Variants in VASH2 observed in about 807,000 individuals in gnomAD.
VASH2 encodes vasohibin 2.
A neutral mutation model predicts 37.2 loss-of-function variants in VASH2; 28 were observed. The ratio of observed to expected loss-of-function variants is 0.75; its 90% confidence interval spans 0.56 to 1.03. The LOEUF is 1.03. VASH2 is among the 50% of genes least tolerant of loss of function. The pLI is 0.00. For synonymous variants in VASH2, 188 were observed against 174.7 expected (o/e 1.08, Z -0.60); for missense variants, 419 against 459.1 (o/e 0.91, Z 0.80).
At chr1:212,980,464 C>T (rs1331817849) in intron 7 of VASH2, among the ~76,000 whole-genome samples, 4 of 152,144 alleles carry the variant, frequency 2.6e-5, no homozygotes, top group Non-Finnish European at 4.4e-5. Context: ...TTCCCTTCTT[C>T]ATCACTGATC....
chr1:212,973,974 C>G lies in VASH2; in HGVS notation c.899C>G (p.Ala300Gly). The G allele has an allele frequency of 6.2e-7, 1 of 1,613,690 alleles. No individual in the cohort carries two copies. Among genetic ancestry groups the G allele is most frequent in the Non-Finnish European group, 8.5e-7 (1 of 1,179,864 alleles). The stretch of plus-strand genomic sequence containing the variant: ...CTTCAGATCCTGAAACCTGCAAGTG[C>G]CCACTCTCCGACCCAAGTGAGAAGC... ...MRMKILKPAS[A>G]HSPTQVRSRG... The change falls in exon 7 of 8, where the codon GCC becomes GGC. Residue 300 changes from alanine to glycine, a missense_variant. Around this residue, in one of 3 missense-constraint regions of VASH2, gnomAD observed 177 missense variants for 166.2 expected, o/e 1.06. Coordinates refer to ENST00000517399, the MANE Select transcript of VASH2 (RefSeq NM_001301056.2).
chr1:212,967,187 C>CA, intron 5 of VASH2: 1 of 1,304,174 alleles, frequency 7.7e-7, no homozygotes, highest in Non-Finnish European at 1.0e-6. Context: ...CCCGGCTCTT[C>CA]AGCCTGAGAG....
At chr1:212,964,857 C>T (rs1666791918) in intron 3 of VASH2, among the ~76,000 whole-genome samples, 1 of 152,160 alleles carries the variant, frequency 6.6e-6, no homozygotes, top group Non-Finnish European at 1.5e-5. Context: ...ATTCATCCAT[C>T]CATTCATGTA....
Position 212,989,317 on chromosome 1 carries a change from A to G in VASH2, c.*733A>G, listed in dbSNP as rs1355773697. ...GTTTTTGTTTTTTCAAAATGAAACA[A>G]AAATATCACATTGAGAAGCTAGTCT... is the stretch of plus-strand genomic sequence containing the variant. On this transcript the variant is annotated 3_prime_UTR_variant, in exon 8 of 8. Transcript: ENST00000517399. 1 of 152,274 alleles carries G rather than the reference A, an allele frequency of 6.6e-6. No homozygotes were observed. The highest frequency in any genetic ancestry group is 1.5e-5 in the Non-Finnish European group (1 of 68,056). The allele number at this position is 152,274 out of a possible 1,614,324, so 9.4% of individuals were successfully genotyped here. A position where few individuals can be genotyped will look rare whatever the true frequency, so the allele number is the denominator to read the frequency against.
chr1:212,958,225 A>G (rs1666555813), intron 2 of VASH2, among the ~76,000 whole-genome samples: 2 of 152,170 alleles, frequency 1.3e-5, no homozygotes, highest in South Asian at 4.1e-4. Context: ...GGCTGAGCCC[A>G]GACAGCTCTC....
At chr1:212,967,327 C>T (rs6689669) in intron 5 of VASH2, 659,338 of 1,227,268 alleles carry the variant, frequency 0.54, 179,128 homozygotes, top group African/African-American at 0.73. Flanking sequence ...ACCCACAACC[C>T]TTTGAAATTG....
At chr1:212,987,624 A>G (rs1161627677) in intron 7 of VASH2, among the ~76,000 whole-genome samples, 1 of 152,170 alleles carries the variant, frequency 6.6e-6, no homozygotes, top group Non-Finnish European at 1.5e-5. Context: ...TGTAACCTAA[A>G]CATGTCTTTT....
At chr1:212,952,899 C>T (rs530122327) in intron 2 of VASH2, 2 of 152,330 alleles carry the variant, frequency 1.3e-5, no homozygotes, top group East Asian at 1.9e-4. Flanking sequence ...CTCTAAACTT[C>T]CTGCTGCAGT....
intron 2 of VASH2, among the ~76,000 whole-genome samples, chr1:212,956,950 C>A (rs904792884): frequency 2.0e-5 from 3 of 152,162 alleles, no homozygotes; most frequent in Non-Finnish European, 2.9e-5. Context: ...GTTGTGCAGC[C>A]ATCACCACCA....
intron 7 of VASH2, among the ~76,000 whole-genome samples, chr1:212,982,914 C>T (rs1431317031): frequency 1.3e-5 from 2 of 152,168 alleles, no homozygotes; most frequent in Non-Finnish European, 2.9e-5. Context: ...TAGGCAGGTT[C>T]CCCACATGGC....
rs1666928186 is a variant in VASH2 at position 212,969,041 on chromosome 1, A to T, written c.497+2696A>T. The stretch of plus-strand genomic sequence containing the variant: ...AGGAACAGCCTTTGAGCCTGTCCAA[A>T]TCAGAGACAGTGTGCTCGTGGTTTT... On this transcript the variant is annotated intron_variant, in intron 5 of 7. Coordinates refer to ENST00000517399, the MANE Select transcript of VASH2 (RefSeq NM_001301056.2). 6 of 985,352 alleles carry T rather than the reference A, an allele frequency of 6.1e-6. No homozygotes were observed. The South Asian group carries it at 2.8e-4, about 46-fold the overall frequency. 61.0% of individuals were successfully genotyped at this position (985,352 alleles called of 1,614,324 possible).
chr1:212,989,322 AT>A lies in VASH2; in HGVS notation c.*739del, dbSNP rs2075832337. The A allele has an allele frequency of 6.6e-6, 1 of 152,280 alleles. No individual in the cohort carries two copies. Among genetic ancestry groups the A allele is most frequent in the East Asian group, 1.9e-4 (1 of 5,208 alleles). The allele number at this position is 152,280 out of a possible 1,614,324, so 9.4% of individuals were successfully genotyped here. On this transcript the variant is annotated 3_prime_UTR_variant, in exon 8 of 8. Coordinates refer to ENST00000517399, the MANE Select transcript of VASH2 (RefSeq NM_001301056.2). ...TGTTTTTTCAAAATGAAACAAAAAT[AT>A]CACATTGAGAAGCTAGTCTATGTTC...
At chr1:212,976,369 C>G (rs889469158) in intron 7 of VASH2, among the ~76,000 whole-genome samples, 3 of 152,106 alleles carry the variant, frequency 2.0e-5, no homozygotes, top group Admixed American at 6.5e-5. Context: ...CTGCACAAGC[C>G]CAGGCATTTG....
intron 5 of VASH2, among the ~76,000 whole-genome samples, chr1:212,969,810 T>C (rs1277799431): frequency 6.6e-6 from 1 of 152,252 alleles, no homozygotes; most frequent in Admixed American, 6.5e-5. Flanking sequence ...CTGCAGGTCC[T>C]GGCTCAACAA....
intron 7 of VASH2, among the ~76,000 whole-genome samples, chr1:212,976,707 T>C (rs1307558012): frequency 1.3e-5 from 2 of 152,250 alleles, no homozygotes; most frequent in African/African-American, 2.4e-5. Context: ...AGGACAGCTG[T>C]CAGAGTGCCG....
At chr1:212,953,128 C>T (rs963142470) in intron 2 of VASH2, among the ~76,000 whole-genome samples, 3 of 152,168 alleles carry the variant, frequency 2.0e-5, no homozygotes, top group African/African-American at 2.4e-5. Flanking sequence ...AGGAAAAAAA[C>T]GCCTGTTCCT....
chr1:212,981,751 G>A (rs901190048), intron 7 of VASH2, among the ~76,000 whole-genome samples: 4 of 152,166 alleles, frequency 2.6e-5, no homozygotes, highest in African/African-American at 9.7e-5. Flanking sequence ...TCAGAGGTGC[G>A]GAAGAGAGAC....
At chr1:212,963,560 C>T (rs1363676951) in intron 3 of VASH2, among the ~76,000 whole-genome samples, 1 of 138,102 alleles carries the variant, frequency 7.2e-6, no homozygotes, top group African/African-American at 2.9e-5. Context: ...CGGCAGCAAC[C>T]AACAAGAGTA....
intron 2 of VASH2, among the ~76,000 whole-genome samples, chr1:212,960,910 C>G (rs1454598169): frequency 1.3e-5 from 2 of 152,184 alleles, no homozygotes; most frequent in African/African-American, 4.8e-5. Context: ...ATTCACACAG[C>G]ACGGAGGGCC....
Sources: allele counts gnomAD v4.1 joint callset (sites outside exome capture counted in the v4.1 genomes callset), GRCh38; gene constraint gnomAD v4.1.1; regional missense constraint gnomAD v4.1.1; transcripts MANE v1.5; gene names NCBI Gene and HGNC (gene_info 2026-07-23, HGNC 2026-07-21).